Variants in VCF1 observed in about 807,000 individuals in gnomAD.
VCF1 encodes the protein VCP nuclear cofactor family member 1.
At chr17:73,217,582 G>A in the VCF1 span, among the ~76,000 whole-genome samples, 1 of 150,868 alleles carries the variant, frequency 6.6e-6, no homozygotes, top group Non-Finnish European at 1.5e-5. Flanking sequence ...TCTGGGAGGC[G>A]GAGGTTGCAG....
chr17:73,224,002 A>G, the VCF1 span, among the ~76,000 whole-genome samples: 1 of 148,192 alleles, frequency 6.7e-6, no homozygotes, highest in Non-Finnish European at 1.5e-5. Flanking sequence ...GAAAGGGAGG[A>G]AGGAAAGGAG....
chr17:73,229,496 T>G, the VCF1 span: 1 of 985,438 alleles, frequency 1.0e-6, no homozygotes. Context: ...TACAGATGGT[T>G]GATTCCATCA....
At chr17:73,223,824 T>C in the VCF1 span, among the ~76,000 whole-genome samples, 1 of 148,600 alleles carries the variant, frequency 6.7e-6, no homozygotes, top group Non-Finnish European at 1.5e-5. Context: ...TACAAAAAAT[T>C]AAAAAAATTA....
At chr17:73,221,419 TA>T in the VCF1 span, among the ~76,000 whole-genome samples, 1 of 148,968 alleles carries the variant, frequency 6.7e-6, no homozygotes, top group East Asian at 1.9e-4. Context: ...GACTAGACCC[TA>T]AAAAAAAAAT....
At chr17:73,213,827 G>A in the VCF1 span, among the ~76,000 whole-genome samples, 11 of 152,106 alleles carry the variant, frequency 7.2e-5, no homozygotes, top group African/African-American at 2.4e-4. Context: ...AAAAGTAGCC[G>A]GGCGTGGTGG....
the VCF1 span, among the ~76,000 whole-genome samples, chr17:73,223,403 C>G: frequency 1.1e-3 from 169 of 152,260 alleles, no homozygotes; most frequent in African/African-American, 3.8e-3. Context: ...AAGTTTCTCT[C>G]TATATAACTA....
chr17:73,221,901 G>A, the VCF1 span, among the ~76,000 whole-genome samples: 3 of 152,048 alleles, frequency 2.0e-5, no homozygotes, highest in Non-Finnish European at 2.9e-5. Flanking sequence ...GGGCGTGGTG[G>A]CGGTCCCCTG....
At chr17:73,211,908 A>G in the VCF1 span, among the ~76,000 whole-genome samples, 1 of 152,146 alleles carries the variant, frequency 6.6e-6, no homozygotes, top group Non-Finnish European at 1.5e-5. Flanking sequence ...GCTCGCGCCT[A>G]TAGTCCCAGC....
the VCF1 span, among the ~76,000 whole-genome samples, chr17:73,225,899 A>ATATATATATATATATATATATATTTTTT: frequency 8.7e-6 from 1 of 114,844 alleles, no homozygotes; most frequent in African/African-American, 3.8e-5. Flanking sequence ...ATATATATAT[A>ATATATATATATATATATATATATTTTTT]TTTTTTTTTT....
chr17:73,224,232 G>A, the VCF1 span, among the ~76,000 whole-genome samples: 1 of 120,346 alleles, frequency 8.3e-6, no homozygotes, highest in Non-Finnish European at 1.6e-5. Context: ...TTCACGACCA[G>A]CCTGGGCCAT....
the VCF1 span, among the ~76,000 whole-genome samples, chr17:73,211,500 G>A: frequency 2.6e-5 from 4 of 151,146 alleles, no homozygotes; most frequent in East Asian, 3.9e-4. Flanking sequence ...CCTGGGGGGT[G>A]GAGGTTGCAG....
At chr17:73,232,288 C>T in the VCF1 span, 1 of 1,594,106 alleles carries the variant, frequency 6.3e-7, no homozygotes, top group Admixed American at 1.7e-5. Context: ...CTTCCGGCGT[C>T]TGCTCCGCGC....
chr17:73,211,495 G>C, the VCF1 span, among the ~76,000 whole-genome samples: 1 of 151,690 alleles, frequency 6.6e-6, no homozygotes. Context: ...TTGAACCTGG[G>C]GGGTGGAGGT....
the VCF1 span, among the ~76,000 whole-genome samples, chr17:73,227,465 G>A: frequency 6.6e-6 from 1 of 152,160 alleles, no homozygotes; most frequent in Non-Finnish European, 1.5e-5. Context: ...CAGCAGCAGC[G>A]AGGTCAAGCT....
At chr17:73,207,991 C>T in the VCF1 span, 1 of 1,272,272 alleles carries the variant, frequency 7.9e-7, no homozygotes, top group African/African-American at 1.5e-5. Context: ...GGCTATGTTG[C>T]AGCCTCTTCC....
the VCF1 span, among the ~76,000 whole-genome samples, chr17:73,224,821 G>A: frequency 4.3e-5 from 6 of 139,862 alleles, no homozygotes; most frequent in East Asian, 2.1e-4. Flanking sequence ...GAAGCACAGC[G>A]CAGCACAGCA....
the VCF1 span, chr17:73,212,821 T>C: frequency 0.26 from 263,511 of 1,024,352 alleles, 37,086 homozygotes; most frequent in Admixed American, 0.31. Flanking sequence ...CGTACTATAA[T>C]AGCACAAGGG....
At chr17:73,215,311 G>T in the VCF1 span, among the ~76,000 whole-genome samples, 1 of 152,276 alleles carries the variant, frequency 6.6e-6, no homozygotes, top group East Asian at 1.9e-4. Context: ...TTGAAACAAG[G>T]TCTTGCTCTG....
At chr17:73,215,190 T>A in the VCF1 span, among the ~76,000 whole-genome samples, 2 of 152,244 alleles carry the variant, frequency 1.3e-5, no homozygotes, top group Admixed American at 6.5e-5. Flanking sequence ...TCGGTAATAA[T>A]AAAACCTACC....
Sources: gnomAD v4.1 joint callset for allele counts (sites outside exome capture counted in the v4.1 genomes callset) on GRCh38, gnomAD v4.1.1 for gene constraint, MANE v1.5 for transcripts, NCBI Gene and HGNC (gene_info 2026-07-23, HGNC 2026-07-21) for gene names.